ZHX3: variants seen among roughly 807,000 people sequenced by gnomAD.
ZHX3 encodes zinc fingers and homeoboxes 3.
ZHX3 carries 20 observed loss-of-function variants against 64.5 expected under a neutral mutation model. That is an observed-to-expected ratio of 0.31 (90% CI 0.22 to 0.45). ZHX3 has a LOEUF of 0.45. Ranked by LOEUF, ZHX3 falls within the 20% of genes least tolerant of loss-of-function variation. ZHX3 has a pLI of 1.00. For synonymous variants in ZHX3, 423 were observed against 461.6 expected (o/e 0.92, Z 1.07); for missense variants, 1,041 against 1,195.8 (o/e 0.87, Z 1.91).
chr20:41,242,473 G>T (rs2041443237), intron 2 of ZHX3, among the ~76,000 whole-genome samples: 1 of 152,204 alleles, frequency 6.6e-6, no homozygotes, highest in Non-Finnish European at 1.5e-5. Context: ...ATGGAGTAAA[G>T]TGGCTTAGGA....
rs913718794 is a variant in ZHX3, at chr20:41,200,657, G to A, written c.2860+1400C>T. Among the ~76,000 whole-genome samples, 1 of 152,134 alleles carries A rather than the reference G, an allele frequency of 6.6e-6. No individual in the cohort carries two copies. Among genetic ancestry groups the A allele is most frequent in the African/African-American group, 2.4e-5 (1 of 41,432 alleles). ...TACTCCTACCCTAAGTGCTGACCAG[G>A]GCTTTGGGCTCCACCAGGTGTTTGC... On this transcript the variant is annotated intron_variant, in intron 3 of 3. Transcript: ENST00000683867. The surrounding 1 kb of genome is among the most constrained non-coding windows in gnomAD (Gnocchi z 4.2).
chr20:41,282,827 G>C (rs1021305453), intron 1 of ZHX3, among the ~76,000 whole-genome samples: 2 of 152,164 alleles, frequency 1.3e-5, no homozygotes, highest in African/African-American at 2.4e-5. Context: ...TAATTATTTT[G>C]ATCAGCTAGA....
intron 1 of ZHX3, among the ~76,000 whole-genome samples, chr20:41,284,262 T>C (rs2043829195): frequency 1.3e-5 from 2 of 152,220 alleles, no homozygotes; most frequent in Admixed American, 1.3e-4. Flanking sequence ...CTCTCTCCTC[T>C]TCTCAGGCCA....
intron 2 of ZHX3, among the ~76,000 whole-genome samples, chr20:41,250,393 T>C (rs1291221218): frequency 1.3e-5 from 2 of 152,116 alleles, no homozygotes; most frequent in Non-Finnish European, 2.9e-5. Context: ...TTTTAAAAAA[T>C]CACCTGTTGG....
intron 1 of ZHX3, among the ~76,000 whole-genome samples, chr20:41,291,765 T>A (rs2044255009): frequency 1.3e-5 from 2 of 151,604 alleles, no homozygotes; most frequent in Non-Finnish European, 2.9e-5. Context: ...AAAGCATGAA[T>A]CTAAAAAAAA....
chr20:41,281,023 A>G (rs2043652130), intron 1 of ZHX3, among the ~76,000 whole-genome samples: 1 of 152,214 alleles, frequency 6.6e-6, no homozygotes, highest in Non-Finnish European at 1.5e-5. Flanking sequence ...TATTGAAAAA[A>G]AGTAAATGTA....
intron 2 of ZHX3, among the ~76,000 whole-genome samples, chr20:41,236,332 A>C (rs2040987181): frequency 6.6e-6 from 1 of 152,368 alleles, no homozygotes; most frequent in East Asian, 1.9e-4. Flanking sequence ...AAGCCAAAAG[A>C]ACAAAGCTGG....
At chr20:41,190,003 G>C (rs1004103093) in intron 3 of ZHX3, among the ~76,000 whole-genome samples, 6 of 151,526 alleles carry the variant, frequency 4.0e-5, no homozygotes, top group African/African-American at 1.5e-4. Context: ...AGTTTTCTGA[G>C]TGTTTTTTTT....
intron 2 of ZHX3, among the ~76,000 whole-genome samples, chr20:41,211,349 T>C (rs2039144184): frequency 6.6e-6 from 1 of 152,132 alleles, no homozygotes; most frequent in Admixed American, 6.6e-5. Flanking sequence ...CTATTCAAAT[T>C]CTCAGTAAAT....
In ZHX3 at chr20:41,234,642, A is replaced by G. The variant is rs149042412; in HGVS notation, c.-150-29576T>C. On this transcript the variant is annotated intron_variant, in intron 2 of 3. Transcript: ENST00000683867. Reference sequence around the variant, plus strand: ...GAGATTACTGCCTCGCGAGGGAAAAAGGGAAACCCAACCCGATTACAGTGT... The same window carrying G: ...GAGATTACTGCCTCGCGAGGGAAAAGGGGAAACCCAACCCGATTACAGTGT... 5.4e-3 allele frequency among the ~76,000 whole-genome samples: 822 copies of G among 152,352 alleles called. 9 individuals are homozygous for G. Among genetic ancestry groups the G allele is most frequent in the East Asian group, 0.022 (115 of 5,176 alleles).
intron 2 of ZHX3, among the ~76,000 whole-genome samples, chr20:41,217,553 A>G (rs1052971604): frequency 9.8e-5 from 15 of 152,332 alleles, no homozygotes; most frequent in Non-Finnish European, 1.8e-4. Flanking sequence ...CTTGGAAACA[A>G]AAATCAGATG....
Position 41,248,451 on chromosome 20 carries a change from T to C in ZHX3, c.-151+20539A>G, listed in dbSNP as rs971364120. Among the ~76,000 whole-genome samples the C allele has an allele frequency of 6.4e-4, 97 of 152,280 alleles. 2 individuals carry two copies. The highest frequency in any genetic ancestry group is 6.0e-3 in the Admixed American group (91 of 15,294). ...TGAACACAGGCAGCTTCCAATCTCATGGGAACATCAAATGAAATGCAGAGG... is the reference window on the plus strand; with the variant it reads ...TGAACACAGGCAGCTTCCAATCTCACGGGAACATCAAATGAAATGCAGAGG... On this transcript the variant is annotated intron_variant, in intron 2 of 3. Coordinates refer to ENST00000683867, the MANE Select transcript of ZHX3 (RefSeq NM_001384317.1).
At chr20:41,316,011 G>GAA (rs756480816) in intron 1 of ZHX3, among the ~76,000 whole-genome samples, 3 of 127,448 alleles carry the variant, frequency 2.4e-5, no homozygotes, top group Non-Finnish European at 5.1e-5. Context: ...ACTTCAATAT[G>GAA]AAAAAAAAAA....
intron 1 of ZHX3, among the ~76,000 whole-genome samples, chr20:41,278,517 T>C (rs2043505529): frequency 7.1e-6 from 1 of 141,020 alleles, no homozygotes; most frequent in Non-Finnish European, 1.6e-5. Flanking sequence ...CTGATAAACA[T>C]CTCTCATGTT....
At chr20:41,308,098 A>G (rs1245118224) in intron 1 of ZHX3, among the ~76,000 whole-genome samples, 1 of 152,232 alleles carries the variant, frequency 6.6e-6, no homozygotes, top group Non-Finnish European at 1.5e-5. Flanking sequence ...GACATTAAAG[A>G]ACATATTATC....
intron 2 of ZHX3, among the ~76,000 whole-genome samples, chr20:41,222,942 T>C (rs1027526692): frequency 6.6e-6 from 1 of 151,270 alleles, no homozygotes; most frequent in Non-Finnish European, 1.5e-5. Context: ...AAAGAAAAAT[T>C]CTCTCTGGCT....
chr20:41,256,562 G>A (rs960157999), intron 2 of ZHX3, among the ~76,000 whole-genome samples: 5 of 150,784 alleles, frequency 3.3e-5, no homozygotes, highest in African/African-American at 1.2e-4. Flanking sequence ...AAAGCATCTA[G>A]GAAACAGAAT....
intron 3 of ZHX3, among the ~76,000 whole-genome samples, chr20:41,192,908 C>A (rs75429296): frequency 0.071 from 10,777 of 152,226 alleles, 411 homozygotes; most frequent in Middle Eastern, 0.17. Context: ...ACTGCAGAAT[C>A]CTTTCATGGT....
intron 2 of ZHX3, among the ~76,000 whole-genome samples, chr20:41,221,819 C>A (rs1294179594): frequency 5.9e-5 from 9 of 152,174 alleles, no homozygotes; most frequent in African/African-American, 2.2e-4. Flanking sequence ...GTGCAAAGAC[C>A]TTGAGGTGAG....
Sources: allele counts gnomAD v4.1 joint callset (sites outside exome capture counted in the v4.1 genomes callset), GRCh38; gene constraint gnomAD v4.1.1; non-coding constraint Gnocchi (gnomAD v3.1); transcripts MANE v1.5; gene names NCBI Gene and HGNC (gene_info 2026-07-23, HGNC 2026-07-21).